The following BCL11B variants were observed in gnomAD, a reference collection of about 807,000 sequenced individuals.
BCL11B encodes B-cell lymphoma/leukemia 11B.
BCL11B carries 8 observed loss-of-function variants against 49.9 expected under a neutral mutation model. The observed-to-expected ratio is 0.16, with a 90% CI of 0.09 to 0.29. The LOEUF is 0.29. Ranked by LOEUF, BCL11B falls within the 10% of genes least tolerant of loss-of-function variation. The probability of loss-of-function intolerance (pLI) is 1.00; values close to 1 mark genes in which losing one functional copy is unlikely to be tolerated. For missense variants in BCL11B, 1,006 were observed against 1,351.0 expected (o/e 0.74, Z 4.00); for synonymous variants, 739 against 637.4 (o/e 1.16, Z -2.40).
chr14:99,181,524 C>T (rs1000612646), intron 3 of BCL11B, among the ~76,000 whole-genome samples: 3 of 152,228 alleles, frequency 2.0e-5, no homozygotes, highest in African/African-American at 4.8e-5. Flanking sequence ...CCACCTGAGG[C>T]ATTTATCGTC....
At position 99,231,624 on chromosome 14, in the gene BCL11B, G is replaced by A; in HGVS notation, c.428-67C>T. The A allele has an allele frequency of 1.4e-6, 2 of 1,454,342 alleles. No homozygotes were observed. The highest frequency in any genetic ancestry group is 9.4e-7 in the Non-Finnish European group (1 of 1,067,524). The allele number at this position is 1,454,342 out of a possible 1,614,324, so 90.1% of individuals were successfully genotyped here. A position where few individuals can be genotyped will look rare whatever the true frequency, so the allele number is the denominator to read the frequency against. On this transcript the variant is annotated intron_variant, in intron 2 of 3. Transcript: ENST00000357195. The surrounding 1 kb of genome is among the most constrained non-coding windows in gnomAD (Gnocchi z 8.1). ...GGACTGTGTGAGGGGCACGGGGTGG[G>A]ACGGGGCTCGGGGCGTGGGGCTCTG...
chr14:99,237,480 T>TG (rs1480669120), intron 2 of BCL11B, among the ~76,000 whole-genome samples: 1 of 152,120 alleles, frequency 6.6e-6, no homozygotes, highest in African/African-American at 2.4e-5. Flanking sequence ...CCAGAGCATC[T>TG]GGGGGACCTA....
chr14:99,198,890 C>T (rs1887259139), intron 3 of BCL11B, among the ~76,000 whole-genome samples: 1 of 152,158 alleles, frequency 6.6e-6, no homozygotes, highest in Non-Finnish European at 1.5e-5. Flanking sequence ...CTGCATTCCT[C>T]CCAGGCAGAC....
At chr14:99,252,079 C>G (rs1352727717) in intron 2 of BCL11B, among the ~76,000 whole-genome samples, 1 of 152,162 alleles carries the variant, frequency 6.6e-6, no homozygotes, top group Non-Finnish European at 1.5e-5. Flanking sequence ...CACCACCCAC[C>G]AGCCCAGCCC....
At chr14:99,176,848 C>T (rs1455737499) in intron 3 of BCL11B, among the ~76,000 whole-genome samples, 1 of 152,086 alleles carries the variant, frequency 6.6e-6, no homozygotes, top group African/African-American at 2.4e-5. Context: ...CCTTTGAGAA[C>T]AACCAATTCT....
intron 3 of BCL11B, among the ~76,000 whole-genome samples, chr14:99,210,355 G>A (rs1342451887): frequency 6.6e-6 from 1 of 152,180 alleles, no homozygotes; most frequent in African/African-American, 2.4e-5. Flanking sequence ...AACCGGAGAA[G>A]GGGAGGAAGA....
At chr14:99,201,033 A>C (rs1320211544) in intron 3 of BCL11B, among the ~76,000 whole-genome samples, 1 of 152,182 alleles carries the variant, frequency 6.6e-6, no homozygotes, top group Non-Finnish European at 1.5e-5. Flanking sequence ...CAGGGCACCA[A>C]GGCAGGTCGG....
chr14:99,245,751 C>G (rs1039485327), intron 2 of BCL11B, among the ~76,000 whole-genome samples: 13 of 152,174 alleles, frequency 8.5e-5, no homozygotes, highest in African/African-American at 3.1e-4. Flanking sequence ...CCCGGGAGAG[C>G]GCCCAAGGGC....
chr14:99,253,257 C>T (rs565131859), intron 2 of BCL11B, among the ~76,000 whole-genome samples: 2 of 152,328 alleles, frequency 1.3e-5, no homozygotes, highest in South Asian at 4.1e-4. Flanking sequence ...AGTGCACCGC[C>T]AGCAAAGAGA....
rs1209197614 is a variant in BCL11B at position 99,185,456 on chromosome 14, A to C, written c.641-9261T>G. ...TGCCTTAAAAAAAAAGAAAAAAAAA[A>C]AAAAAACTATATGACCAGTAATGTT... On this transcript the variant is annotated intron_variant, in intron 3 of 3. Transcript: ENST00000357195. Among the ~76,000 whole-genome samples, 2 of 151,820 alleles carry C rather than the reference A, an allele frequency of 1.3e-5. 1 individual carries two copies. Among genetic ancestry groups the C allele is most frequent in the South Asian group, 4.2e-4 (2 of 4,802 alleles).
At position 99,171,417 on chromosome 14, in the gene BCL11B, G is replaced by T. The variant is rs543482371; in HGVS notation, c.*2734C>A. On this transcript the variant is annotated 3_prime_UTR_variant, in exon 4 of 4. Coordinates refer to ENST00000357195, the MANE Select transcript of BCL11B (RefSeq NM_138576.4). ...ATATTATGGCAGCCTGTTTGTTTTT[G>T]TTTTTTTTTTCTTTTTATTTCCAAA... 2.6e-4 allele frequency: 51 copies of T among 197,264 alleles called. 1 individual carries two copies. The highest frequency in any genetic ancestry group is 1.1e-3 in the African/African-American group (46 of 41,812). The allele number at this position is 197,264 out of a possible 1,614,324, so 12.2% of individuals were successfully genotyped here.
At chr14:99,206,023 G>A (rs866373938) in intron 3 of BCL11B, among the ~76,000 whole-genome samples, 7 of 152,136 alleles carry the variant, frequency 4.6e-5, no homozygotes, top group African/African-American at 1.7e-4. Flanking sequence ...AGGAACACCT[G>A]AGCCAGCAAG....
intron 3 of BCL11B, among the ~76,000 whole-genome samples, chr14:99,179,635 C>T (rs1045387718): frequency 1.3e-5 from 2 of 152,120 alleles, no homozygotes; most frequent in Non-Finnish European, 2.9e-5. Context: ...TCTTACTGGA[C>T]CCGTGTCCGG....
chr14:99,239,117 A>C lies in BCL11B; in HGVS notation c.428-7560T>G, dbSNP rs547441105. 2.0e-5 allele frequency among the ~76,000 whole-genome samples: 3 copies of C among 152,286 alleles called. No individual in the cohort carries two copies. In the South Asian group the frequency reaches 6.2e-4, roughly 32 times the overall value. On this transcript the variant is annotated intron_variant, in intron 2 of 3. Coordinates refer to ENST00000357195, the MANE Select transcript of BCL11B (RefSeq NM_138576.4). Reference sequence around the variant, plus strand: ...CAAATTGCAACTGAGAGATTCTCCAAATCTCACCAGCAAAATCAGCCAGTC... The same window carrying C: ...CAAATTGCAACTGAGAGATTCTCCACATCTCACCAGCAAAATCAGCCAGTC...
At chr14:99,196,053 CA>C (rs1218110042) in intron 3 of BCL11B, among the ~76,000 whole-genome samples, 2 of 152,098 alleles carry the variant, frequency 1.3e-5, no homozygotes, top group Admixed American at 1.3e-4. Flanking sequence ...ATTCATGCAT[CA>C]AAAAAACCCC....
intron 3 of BCL11B, among the ~76,000 whole-genome samples, chr14:99,185,585 C>T (rs758121708): frequency 5.9e-5 from 9 of 152,046 alleles, no homozygotes; most frequent in Admixed American, 1.3e-4. Context: ...CTGGGCCACG[C>T]GACGCAGAAA....
At chr14:99,209,366 G>A (rs985906723) in intron 3 of BCL11B, among the ~76,000 whole-genome samples, 17 of 152,154 alleles carry the variant, frequency 1.1e-4, no homozygotes, top group Non-Finnish European at 2.1e-4. Context: ...GGGGACTCCT[G>A]CGCGACCAGA....
chr14:99,219,657 G>C (rs1887953035), intron 3 of BCL11B, among the ~76,000 whole-genome samples: 1 of 152,000 alleles, frequency 6.6e-6, no homozygotes, highest in Non-Finnish European at 1.5e-5. Flanking sequence ...TTCCAAATAC[G>C]GGGCTCCTTC....
rs531744838 is a variant in BCL11B, at chr14:99,192,362, G to A, written c.641-16167C>T. Among the ~76,000 whole-genome samples, 1 of 152,206 alleles carries A rather than the reference G, an allele frequency of 6.6e-6. No individual in the cohort carries two copies. Among genetic ancestry groups the A allele is most frequent in the Non-Finnish European group, 1.5e-5 (1 of 68,034 alleles). ...CCCCTGTAAGCCCAGCCCTTTAAAT[G>A]GGGAACAGAGCAGGGCTTTCGGGGC... On this transcript the variant is annotated intron_variant, in intron 3 of 3. Coordinates refer to ENST00000357195, the MANE Select transcript of BCL11B (RefSeq NM_138576.4). This position sits in a 1 kb window ranked among gnomAD's most constrained non-coding sequence, Gnocchi z 4.0.
Sources: gnomAD v4.1 joint callset for allele counts (sites outside exome capture counted in the v4.1 genomes callset) on GRCh38, gnomAD v4.1.1 for gene constraint, Gnocchi (gnomAD v3.1) non-coding constraint, MANE v1.5 for transcripts, NCBI Gene and HGNC (gene_info 2026-07-23, HGNC 2026-07-21) for gene names.